APC: variants seen among roughly 807,000 people sequenced by gnomAD.
APC encodes adenomatous polyposis coli protein.
A neutral mutation model predicts 247.0 loss-of-function variants in APC; 72 were observed. The ratio of observed to expected loss-of-function variants is 0.29; its 90% CI spans 0.24 to 0.35. The LOEUF (loss-of-function observed/expected upper bound fraction) is 0.35, where lower values mean the gene tolerates loss of function less well. Among genes scored for constraint, APC ranks in the 10% least tolerant of loss-of-function variants. The probability of loss-of-function intolerance (pLI) is 1.00; values close to 1 mark genes in which losing one functional copy is unlikely to be tolerated. For missense variants in APC, 3,400 were observed against 3,360.7 expected, an observed-to-expected ratio of 1.01 and a Z score of -0.29; for synonymous variants, 1,254 against 1,162.5, an observed-to-expected ratio of 1.08 and a Z score of -1.60.
intron 8 of APC, among the ~76,000 whole-genome samples, chr5:112,813,979 A>C (rs1427164598): frequency 6.6e-6 from 1 of 152,168 alleles, no homozygotes; most frequent in Non-Finnish European, 1.5e-5. Context: ...GATGTCCTGC[A>C]TCTTGACATT....
At position 112,843,580 on chromosome 5, in the gene APC, G is replaced by A. The variant is rs571645304; in HGVS notation, c.7986G>A (p.Glu2662=). Reference sequence around the variant, plus strand: ...CAGAGGATGTTTGGGTGAGAATTGAGGACTGTCCCATTAACAATCCTAGAT... The same window carrying A: ...CAGAGGATGTTTGGGTGAGAATTGAAGACTGTCCCATTAACAATCCTAGAT... The part of the protein sequence containing the change: ...SKTEDVWVRI[E]DCPINNPRSG... Residue 2662 remains glutamate, a synonymous_variant, in exon 16 of 16, where the codon GAG becomes GAA. Transcript: ENST00000257430. This position sits in a 1 kb window ranked among gnomAD's most constrained non-coding sequence, Gnocchi z 4.8. The A allele has an allele frequency of 2.5e-5, 41 of 1,613,746 alleles. No individual in the cohort carries two copies. The Middle Eastern group carries it at 4.9e-4, about 19-fold the overall frequency.
chr5:112,801,472 C>T, intron 8 of APC, 89 bp downstream of exon 8: 2 of 1,005,152 alleles, frequency 2.0e-6, no homozygotes, highest in Non-Finnish European at 3.0e-6. Flanking sequence ...ATCTATAAAT[C>T]TTACCTATTT....
At chr5:112,720,534 T>G (rs897440334) in intron 1 of APC, among the ~76,000 whole-genome samples, 2 of 152,188 alleles carry the variant, frequency 1.3e-5, no homozygotes, top group Non-Finnish European at 2.9e-5. Flanking sequence ...TTTAAACATG[T>G]GAAAACAGAG....
chr5:112,733,753 G>A (rs528151604), upstream of APC, among the ~76,000 whole-genome samples: 6 of 152,230 alleles, frequency 3.9e-5, no homozygotes, highest in African/African-American at 7.2e-5. Context: ...CATTTAATAC[G>A]CCTAGGAACT....
chr5:112,822,806 C>G (rs764626144), intron 11 of APC, among the ~76,000 whole-genome samples: 1 of 152,178 alleles, frequency 6.6e-6, no homozygotes, highest in African/African-American at 2.4e-5. Context: ...TTCCAGCCAC[C>G]ACTTTATATT....
chr5:112,783,958 A>AT lies in APC; in HGVS notation c.645+3065dup, dbSNP rs573737647. On this transcript the variant is annotated intron_variant, in intron 6 of 15. Coordinates refer to ENST00000257430, the MANE Select transcript of APC (RefSeq NM_000038.6). ...GAAATGTAATATAAAGTAAGGTACT[A>AT]TTTTTTTTTTGCCTATCAGCTGCCC... is the stretch of plus-strand genomic sequence containing the variant. Among the ~76,000 whole-genome samples the AT allele has an allele frequency of 7.5e-3, 1,114 of 149,160 alleles. 20 individuals are homozygous for AT. The highest frequency in any genetic ancestry group is 0.025 in the African/African-American group (1,035 of 40,746).
At chr5:112,823,738 A>G (rs1401553618) in intron 11 of APC, among the ~76,000 whole-genome samples, 3 of 152,298 alleles carry the variant, frequency 2.0e-5, no homozygotes, top group Admixed American at 2.0e-4. Flanking sequence ...TAGGCACTAG[A>G]TTTTTATAAT....
intron 11 of APC, 37 bp from the exon 12 acceptor site, chr5:112,827,071 G>C (rs1002717735): frequency 6.2e-7 from 1 of 1,610,058 alleles, no homozygotes; most frequent in African/African-American, 1.3e-5. Context: ...TTTTATTTTA[G>C]ATGATTGTCT....
chr5:112,788,761 T>C (rs2149672711), intron 6 of APC, among the ~76,000 whole-genome samples: 1 of 152,344 alleles, frequency 6.6e-6, no homozygotes, highest in East Asian at 1.9e-4. Flanking sequence ...TCTTTAATTA[T>C]ATTACTAAAT....
At chr5:112,769,834 A>C (rs1756828616) in intron 4 of APC, among the ~76,000 whole-genome samples, 1 of 152,214 alleles carries the variant, frequency 6.6e-6, no homozygotes, top group Non-Finnish European at 1.5e-5. Flanking sequence ...ATTTATAAAA[A>C]TAGGGATAAT....
At chr5:112,825,491 C>T (rs901399037) in intron 11 of APC, among the ~76,000 whole-genome samples, 2 of 152,164 alleles carry the variant, frequency 1.3e-5, no homozygotes, top group Non-Finnish European at 2.9e-5. Context: ...GGCCCAGGGG[C>T]CCTTTCACAT....
chr5:112,746,658 TAAAC>T (rs1407056402), intron 1 of APC, among the ~76,000 whole-genome samples: 1 of 152,188 alleles, frequency 6.6e-6, no homozygotes, highest in Admixed American at 6.5e-5. Context: ...ACAAAAACTT[TAAAC>T]TCAAAGGAAA....
rs351772 is a variant in APC at position 112,829,165 on chromosome 5, G to A, written c.1743+193G>A. The A allele has an allele frequency of 0.47, 233,710 of 494,914 alleles. 59,111 individuals are homozygous for A. The highest frequency in any genetic ancestry group is 0.7 in the East Asian group (18,112 of 26,008). 30.7% of individuals were successfully genotyped at this position (494,914 alleles called of 1,614,324 possible). On this transcript the variant is annotated intron_variant, in intron 14 of 15. Transcript: ENST00000257430. ...TCCCTAATTTCTTTTTTGAGATGGG[G>A]TCTCTTTCTCTCGCCCAGGCTGGAG...
intron 6 of APC, among the ~76,000 whole-genome samples, chr5:112,791,537 T>C (rs1199115223): frequency 6.6e-6 from 1 of 152,100 alleles, no homozygotes; most frequent in African/African-American, 2.4e-5. Flanking sequence ...GGTTGCGGGC[T>C]CCTTATGAGA....
rs201550951 is a variant in APC at position 112,839,009 on chromosome 5, A to C, written c.3415A>C (p.Lys1139Gln). The change falls in exon 16 of 16, where the codon AAG becomes CAG. Residue 1139 changes from lysine to glutamine, a missense_variant. Around this residue, in one of 9 missense-constraint regions of APC, gnomAD observed 715 missense variants for 656.6 expected, o/e 1.09. Transcript: ENST00000257430. This position sits in a 1 kb window ranked among gnomAD's most constrained non-coding sequence, Gnocchi z 5.0. ...TCAAGAAGATGACTATGAAGATGAT[A>C]AGCCTACCAATTATAGTGAACGTTA... is the stretch of plus-strand genomic sequence containing the variant. ...LCQEDDYEDD[K>Q]PTNYSERYSE... 25 of 1,614,048 alleles carry C rather than the reference A, an allele frequency of 1.5e-5. No homozygotes were observed. Among genetic ancestry groups the C allele is most frequent in the Non-Finnish European group, 8.5e-7 (1 of 1,180,030 alleles).
intron 1 of APC, among the ~76,000 whole-genome samples, chr5:112,721,666 A>G (rs1040347319): frequency 6.6e-6 from 1 of 152,142 alleles, no homozygotes; most frequent in Non-Finnish European, 1.5e-5. Flanking sequence ...AATAGAGGGT[A>G]CACAGTTGGG....
intron 1 of APC, among the ~76,000 whole-genome samples, chr5:112,732,486 T>C (rs1470775188): frequency 6.6e-6 from 1 of 152,254 alleles, no homozygotes; most frequent in East Asian, 1.9e-4. Flanking sequence ...GAATATTCCG[T>C]TTCCTCAGTA....
intron 8 of APC, among the ~76,000 whole-genome samples, chr5:112,803,552 G>T (rs2149719416): frequency 6.6e-6 from 1 of 152,228 alleles, no homozygotes; most frequent in East Asian, 1.9e-4. Flanking sequence ...CTACCTCATA[G>T]AACAGTTGGG....
chr5:112,801,209 G>GA (rs1760780592), intron 7 of APC, 70 bp from the exon 8 acceptor site: 2 of 1,318,344 alleles, frequency 1.5e-6, no homozygotes, highest in Non-Finnish European at 2.2e-6. Context: ...AGCAAAAAAA[G>GA]AAAAAAAGCC....
Sources: allele counts gnomAD v4.1 joint callset (sites outside exome capture counted in the v4.1 genomes callset), GRCh38; gene constraint gnomAD v4.1.1; regional missense constraint gnomAD v4.1.1; non-coding constraint Gnocchi (gnomAD v3.1); transcripts MANE v1.5; gene names NCBI Gene and HGNC (gene_info 2026-07-23, HGNC 2026-07-21).